Variants in CCDC30 observed in about 807,000 individuals in gnomAD.
CCDC30 encodes the protein coiled-coil domain containing 30.
In CCDC30, 70 loss-of-function variants were observed where a neutral mutation model predicts 100.2. The ratio of observed to expected loss-of-function variants is 0.70; its 90% CI spans 0.58 to 0.85. CCDC30 has a LOEUF of 0.85. CCDC30 is among the 40% of genes least tolerant of loss of function. CCDC30 has a pLI of 0.00. For synonymous variants in CCDC30, 233 were observed against 269.5 expected, an observed-to-expected ratio of 0.86 and a Z score of 1.33; for missense variants, 652 against 771.2, an observed-to-expected ratio of 0.85 and a Z score of 1.83.
At chr1:42,495,873 G>C (rs1644224701) in intron 4 of CCDC30, among the ~76,000 whole-genome samples, 2 of 152,166 alleles carry the variant, frequency 1.3e-5, no homozygotes, top group South Asian at 4.2e-4. Flanking sequence ...CTTTTTAAGT[G>C]GCCAGTTAAC....
chr1:42,493,496 G>C (rs1334825934), intron 4 of CCDC30, among the ~76,000 whole-genome samples: 2 of 152,170 alleles, frequency 1.3e-5, no homozygotes, highest in Non-Finnish European at 2.9e-5. Context: ...GGCTGAGGCA[G>C]TAGAATCTCG....
intron 7 of CCDC30, among the ~76,000 whole-genome samples, chr1:42,567,079 C>A (rs1003171101): frequency 6.6e-6 from 1 of 152,082 alleles, no homozygotes; most frequent in Admixed American, 6.6e-5. Context: ...TTTCTATAAG[C>A]CTCTATTGAA....
chr1:42,475,958 CA>C (rs981149841), intron 1 of CCDC30, among the ~76,000 whole-genome samples: 1 of 151,976 alleles, frequency 6.6e-6, no homozygotes, highest in African/African-American at 2.4e-5. Context: ...AAAGCATACA[CA>C]TTTATTTAAA....
intron 15 of CCDC30, among the ~76,000 whole-genome samples, chr1:42,653,054 C>A (rs1308420885): frequency 6.6e-6 from 1 of 152,058 alleles, no homozygotes; most frequent in African/African-American, 2.4e-5. Flanking sequence ...CTCAACAAAG[C>A]AGTTATTTTA....
upstream of CCDC30, among the ~76,000 whole-genome samples, chr1:42,458,847 A>T (rs758254702): frequency 6.6e-6 from 1 of 152,230 alleles, no homozygotes; most frequent in Non-Finnish European, 1.5e-5. Context: ...CTCACTGCTA[A>T]GTTGTGTTAC....
chr1:42,579,557 C>T (rs1389739973), intron 8 of CCDC30, among the ~76,000 whole-genome samples: 1 of 151,794 alleles, frequency 6.6e-6, no homozygotes, highest in African/African-American at 2.4e-5. Flanking sequence ...CTGTTTGAAC[C>T]CGGGAGGTGG....
rs12034208 is a variant in CCDC30 at position 42,642,248 on chromosome 1, T to C, written c.1420-225T>C. Among the ~76,000 whole-genome samples the C allele has an allele frequency of 4.0e-5, 6 of 149,206 alleles. No individual in the cohort carries two copies. The East Asian group carries it at 7.9e-4, about 20-fold the overall frequency. On this transcript the variant is annotated intron_variant, in intron 12 of 16. Transcript: ENST00000668663. ...TTAAACAAACAAACAAACAAAAAAA[T>C]ATATATATATATATATGACATGACA... is the stretch of plus-strand genomic sequence containing the variant.
intron 6 of CCDC30, among the ~76,000 whole-genome samples, chr1:42,499,986 C>T (rs945450289): frequency 6.6e-6 from 1 of 152,118 alleles, no homozygotes; most frequent in Non-Finnish European, 1.5e-5. Flanking sequence ...GTTCCTTAAC[C>T]AACATGCAAG....
At chr1:42,475,095 A>AAATT (rs1367333169) in intron 1 of CCDC30, among the ~76,000 whole-genome samples, 6 of 152,270 alleles carry the variant, frequency 3.9e-5, no homozygotes, top group Non-Finnish European at 8.8e-5. Context: ...TGATAGAAAA[A>AAATT]AATATTAGAG....
intron 6 of CCDC30, among the ~76,000 whole-genome samples, chr1:42,546,888 A>G (rs1297025048): frequency 1.3e-5 from 2 of 152,204 alleles, no homozygotes; most frequent in African/African-American, 2.4e-5. Flanking sequence ...GTCTAGAACT[A>G]AATAATCAAA....
chr1:42,544,375 C>T (rs1384595999), intron 6 of CCDC30, among the ~76,000 whole-genome samples: 16 of 152,228 alleles, frequency 1.1e-4, no homozygotes, highest in Non-Finnish European at 1.5e-5. Flanking sequence ...CAGTGATTCT[C>T]AAAGCATCTA....
At chr1:42,459,464 CT>C (rs1459252164), upstream of CCDC30, 6 of 791,198 alleles carry the variant, frequency 7.6e-6, no homozygotes, top group African/African-American at 1.0e-4. Context: ...TCCCCTAAGA[CT>C]TTTTAAACTA....
At chr1:42,537,286 T>C (rs1278964441) in intron 6 of CCDC30, 4 of 455,828 alleles carry the variant, frequency 8.8e-6, no homozygotes, top group Non-Finnish European at 1.8e-5. Context: ...AAAAGAGACC[T>C]GGAAGTGAGT....
intron 11 of CCDC30, 144 bp downstream of exon 15, chr1:42,611,234 G>T (rs1481233993): frequency 5.7e-6 from 3 of 525,786 alleles, no homozygotes; most frequent in Non-Finnish European, 1.0e-5. Context: ...TTCCAAAAGT[G>T]CTATCCACAG....
intron 11 of CCDC30, among the ~76,000 whole-genome samples, chr1:42,634,567 A>G (rs139531346): frequency 5.9e-5 from 9 of 152,284 alleles, no homozygotes; most frequent in African/African-American, 2.2e-4. Context: ...TATCGCACTC[A>G]TGCTCCATGA....
intron 5 of CCDC30, among the ~76,000 whole-genome samples, chr1:42,498,061 G>GGTATA (rs1358633951): frequency 6.6e-6 from 1 of 151,964 alleles, no homozygotes; most frequent in Non-Finnish European, 1.5e-5. Flanking sequence ...AGCAAAATGT[G>GGTATA]GTATAGCCAT....
intron 4 of CCDC30, chr1:42,491,651 G>A (rs1644144578): frequency 6.0e-6 from 1 of 166,968 alleles, no homozygotes; most frequent in Admixed American, 6.3e-5. Flanking sequence ...TACTTGAGGA[G>A]ATGGATAACC....
At chr1:42,629,710 C>A (rs1046401198) in intron 11 of CCDC30, among the ~76,000 whole-genome samples, 4 of 151,976 alleles carry the variant, frequency 2.6e-5, no homozygotes, top group African/African-American at 9.7e-5. Context: ...CGGCTCACTG[C>A]AACCTCTGCC....
intron 3 of CCDC30, among the ~76,000 whole-genome samples, chr1:42,488,647 G>A (rs1399848797): frequency 2.0e-5 from 3 of 152,164 alleles, no homozygotes; most frequent in African/African-American, 7.2e-5. Flanking sequence ...AAACATGGCA[G>A]AAACTAACCT....
Sources: allele counts gnomAD v4.1 joint callset (sites outside exome capture counted in the v4.1 genomes callset), GRCh38; gene constraint gnomAD v4.1.1; transcripts MANE v1.5; gene names NCBI Gene and HGNC (gene_info 2026-07-23, HGNC 2026-07-21).